The following RYR1 variants were observed in gnomAD, a reference collection of about 807,000 sequenced individuals.
RYR1 encodes central core disease of muscle.
A neutral mutation model predicts 583.5 loss-of-function variants in RYR1; 342 were observed. The ratio of observed to expected loss-of-function variants is 0.59; its 90% CI spans 0.54 to 0.64. The LOEUF is 0.64. Ranked by LOEUF, RYR1 falls within the 30% of genes least tolerant of loss-of-function variation. The pLI is 0.00. For missense variants in RYR1, 6,032 were observed against 6,917.2 expected (o/e 0.87, Z 4.54); for synonymous variants, 2,791 against 2,822.5 (o/e 0.99, Z 0.35).
In RYR1 at chr19:38,483,912, C is replaced by T. The variant is rs1016068090; in HGVS notation, c.4934+396C>T. ...GAGGCTTGGATGCACCCTAGAGTCT[C>T]TTGGGCATATGCAGGGAGGCTTTAA... On this transcript the variant is annotated intron_variant, in intron 33 of 105. Coordinates refer to ENST00000359596, the MANE Select transcript of RYR1 (RefSeq NM_000540.3). The surrounding 1 kb of genome is among the most constrained non-coding windows in gnomAD (Gnocchi z 6.3). Among the ~76,000 whole-genome samples, 3 of 151,898 alleles carry T rather than the reference C, an allele frequency of 2.0e-5. No homozygotes were observed. Among genetic ancestry groups the T allele is most frequent in the Admixed American group, 1.3e-4 (2 of 15,258 alleles).
At position 38,510,792 on chromosome 19, in the gene RYR1, T is replaced by C. The variant is rs893648068; in HGVS notation, c.9122+11T>C. The C allele has an allele frequency of 1.2e-6, 2 of 1,614,112 alleles. No individual in the cohort carries two copies. Among genetic ancestry groups the C allele is most frequent in the African/African-American group, 2.7e-5 (2 of 75,070 alleles). On this transcript the variant is annotated intron_variant, in intron 60 of 105. Transcript: ENST00000359596. ...GGAAATGATCACCAGGTGGGCCGCC[T>C]GTGACCCTGGACCCAGCCCCCTGAC...
chr19:38,464,903 G>A (rs1968012848), intron 23 of RYR1, among the ~76,000 whole-genome samples, 181 bp downstream of exon 23: 2 of 152,124 alleles, frequency 1.3e-5, no homozygotes, highest in East Asian at 1.9e-4. Flanking sequence ...CCAGGATTGA[G>A]GAGTTAGGAG....
chr19:38,546,217 T>C (rs1441589529), intron 87 of RYR1, among the ~76,000 whole-genome samples: 3 of 151,888 alleles, frequency 2.0e-5, no homozygotes, highest in African/African-American at 7.3e-5. Context: ...GCCTTCCCAC[T>C]ACCCATCACC....
rs575960373 is a variant in RYR1 at position 38,585,014 on chromosome 19, G to A, written c.14718G>A (p.Ala4906=). The change falls in exon 102 of 106, where the codon GCG becomes GCA. Residue 4906 remains alanine, a synonymous_variant. Coordinates refer to ENST00000359596, the MANE Select transcript of RYR1 (RefSeq NM_000540.3). Reference sequence around the variant, plus strand: ...TTGGGGACGAGATCGAGGACCCCGCGGGTGACGAATACGAGCTCTACAGGG... The same window carrying A: ...TTGGGGACGAGATCGAGGACCCCGCAGGTGACGAATACGAGCTCTACAGGG... ...GGIGDEIEDP[A]GDEYELYRVV... The A allele has an allele frequency of 1.8e-5, 29 of 1,613,914 alleles. No individual in the cohort carries two copies. Among genetic ancestry groups the A allele is most frequent in the South Asian group, 7.7e-5 (7 of 91,084 alleles).
In RYR1 at chr19:38,494,581, G is replaced by A. The variant is rs754484108; in HGVS notation, c.6504G>A (p.Val2168=). Residue 2168 remains valine, a synonymous_variant, in exon 39 of 106, where the codon GTG becomes GTA. Coordinates refer to ENST00000359596, the MANE Select transcript of RYR1 (RefSeq NM_000540.3). The stretch of plus-strand genomic sequence containing the variant: ...GCCAGATCCGCTCGCTGCTCATCGT[G>A]CAGATGGGCCCCCAGGAGGAGAACC... The part of the protein sequence containing the change: ...CLGQIRSLLI[V]QMGPQEENLM... 4 of 1,614,138 alleles carry A rather than the reference G, an allele frequency of 2.5e-6. No homozygotes were observed. Among genetic ancestry groups the A allele is most frequent in the South Asian group, 2.2e-5 (2 of 91,084 alleles).
Position 38,494,451 on chromosome 19 carries a change from A to C in RYR1, c.6374A>C (p.His2125Pro). Residue 2125 changes from histidine to proline, a missense_variant, in exon 39 of 106, where the codon CAC (histidine) becomes CCC (proline). Transcript: ENST00000359596. Reference sequence around the variant, plus strand: ...GTGCGGGCCATGTTCAGCCTCCTGCACCGGCAGTACGACGGGCTGGGTGAG... The same window carrying C: ...GTGCGGGCCATGTTCAGCCTCCTGCCCCGGCAGTACGACGGGCTGGGTGAG... Reference protein sequence around the residue: ...ELVRAMFSLLHRQYDGLGELL... With the variant: ...ELVRAMFSLLPRQYDGLGELL... 1.2e-6 allele frequency: 2 copies of C among 1,612,688 alleles called. No individual in the cohort carries two copies. The highest frequency in any genetic ancestry group is 1.7e-6 in the Non-Finnish European group (2 of 1,180,022).
intron 91 of RYR1, among the ~76,000 whole-genome samples, chr19:38,566,565 G>A (rs1030695448): frequency 6.6e-6 from 1 of 151,260 alleles, no homozygotes; most frequent in Non-Finnish European, 1.5e-5. Flanking sequence ...TTGTGGGAAT[G>A]AAGTACACCG....
intron 76 of RYR1, among the ~76,000 whole-genome samples, chr19:38,530,400 G>A (rs1251853747): frequency 1.3e-5 from 2 of 151,162 alleles, no homozygotes; most frequent in East Asian, 3.9e-4. Flanking sequence ...GAGTAGCTGG[G>A]ACTACAGGCA....
intron 47 of RYR1, 62 bp downstream of exon 47, chr19:38,501,052 C>A: frequency 1.3e-6 from 2 of 1,520,816 alleles, no homozygotes; most frequent in South Asian, 1.1e-5. Flanking sequence ...GGAGATGGGT[C>A]ACGGTAGAGC....
At chr19:38,470,166 C>CAA (rs543598381) in intron 27 of RYR1, among the ~76,000 whole-genome samples, 4 of 113,718 alleles carry the variant, frequency 3.5e-5, no homozygotes, top group African/African-American at 3.3e-5. Context: ...AACTCCATCT[C>CAA]AAAAAAAAAA....
intron 78 of RYR1, 125 bp from the exon 79 acceptor site, chr19:38,534,595 G>A (rs1971882956): frequency 1.3e-6 from 1 of 795,768 alleles, no homozygotes; most frequent in African/African-American, 1.7e-5. Context: ...GATGGAGGGA[G>A]CTCATGGTTG....
At chr19:38,585,899 G>A (rs769328003) in intron 102 of RYR1, 39 bp from the exon 103 acceptor site, 6 of 1,613,576 alleles carry the variant, frequency 3.7e-6, no homozygotes, top group African/African-American at 1.3e-5. Context: ...TCTGAACCAG[G>A]TCAGAGGTCG....
chr19:38,485,892 T>C lies in RYR1; in HGVS notation c.5237T>C (p.Leu1746Pro). ...PLTPETRAITLFPPGRSTENG... is the reference protein window; with the variant it reads ...PLTPETRAITPFPPGRSTENG... Reference sequence around the variant, plus strand: ...ACGCCTGAGACCCGCGCCATCACGCTCTTCCCTCCTGGAAGGAGCACAGAA... The same window carrying C: ...ACGCCTGAGACCCGCGCCATCACGCCCTTCCCTCCTGGAAGGAGCACAGAA... The change falls in exon 34 of 106, where the codon CTC becomes CCC. Residue 1746 changes from leucine to proline, a missense_variant. This residue lies in a region of RYR1 where 2,627 missense variants were observed against 2,961.3 expected (regional missense o/e 0.89). Transcript: ENST00000359596. 1 of 1,613,744 alleles carries C rather than the reference T, an allele frequency of 6.2e-7. No homozygotes were observed. The highest frequency in any genetic ancestry group is 8.5e-7 in the Non-Finnish European group (1 of 1,179,966).
intron 76 of RYR1, among the ~76,000 whole-genome samples, chr19:38,530,165 G>T (rs1258887554): frequency 6.6e-6 from 1 of 152,108 alleles, no homozygotes; most frequent in Non-Finnish European, 1.5e-5. Context: ...TGTTGGCCAT[G>T]CTTGTCTCAA....
chr19:38,451,711 G>A (rs568008168), intron 11 of RYR1, 53 bp from the exon 12 acceptor site: 2 of 1,611,064 alleles, frequency 1.2e-6, no homozygotes, highest in Non-Finnish European at 8.5e-7. Context: ...CGTCTTGGGG[G>A]CATGGCCCTG....
rs145471784 is a variant in RYR1 at position 38,516,466 on chromosome 19, G to GAA, written c.9685+252_9685+253dup. Among the ~76,000 whole-genome samples, 802 of 152,264 alleles carry GAA rather than the reference G, an allele frequency of 5.3e-3. 6 individuals are homozygous for GAA. The highest frequency in any genetic ancestry group is 0.018 in the African/African-American group (768 of 41,546). The stretch of plus-strand genomic sequence containing the variant: ...AACAGAATCTATTGATAAAAGTTAA[G>GAA]AAAAGTAGCACTTGGTGGCCAGGCG... On this transcript the variant is annotated intron_variant, in intron 65 of 105. Coordinates refer to ENST00000359596, the MANE Select transcript of RYR1 (RefSeq NM_000540.3).
intron 76 of RYR1, 98 bp downstream of exon 76, chr19:38,529,155 C>G (rs1448633160): frequency 3.4e-6 from 4 of 1,183,360 alleles, no homozygotes; most frequent in Non-Finnish European, 5.0e-6. Flanking sequence ...CCCTCCAGGT[C>G]CTGGGGGAGC....
intron 1 of RYR1, among the ~76,000 whole-genome samples, chr19:38,435,965 A>G (rs899164405): frequency 2.6e-5 from 4 of 151,768 alleles, no homozygotes; most frequent in South Asian, 2.1e-4. Flanking sequence ...CTGGAGTGCA[A>G]TGGCGTGATC....
chr19:38,460,629 G>C (rs2145419533), intron 20 of RYR1, 38 bp downstream of exon 20: 3 of 1,575,550 alleles, frequency 1.9e-6, no homozygotes, highest in Non-Finnish European at 2.6e-6. Context: ...GGCGAGGCAG[G>C]GTCTCTTAGG....
Sources: allele counts gnomAD v4.1 joint callset (sites outside exome capture counted in the v4.1 genomes callset), GRCh38; gene constraint gnomAD v4.1.1; regional missense constraint gnomAD v4.1.1; non-coding constraint Gnocchi (gnomAD v3.1); transcripts MANE v1.5; gene names NCBI Gene and HGNC (gene_info 2026-07-23, HGNC 2026-07-21).